GABRB3: variants seen among roughly 807,000 people sequenced by gnomAD.
GABRB3 encodes the protein gamma-aminobutyric acid type A receptor subunit beta3.
A neutral mutation model predicts 52.1 loss-of-function variants in GABRB3; 14 were observed. The ratio of observed to expected loss-of-function variants is 0.27; its 90% CI spans 0.18 to 0.42. GABRB3 has a LOEUF of 0.42. GABRB3 is among the 10% of genes least tolerant of loss of function. GABRB3 has a pLI of 1.00. For synonymous variants in GABRB3, 260 were observed against 232.3 expected (o/e 1.12, Z -1.08); for missense variants, 307 against 609.1 (o/e 0.50, Z 5.22).
In GABRB3 at chr15:26,742,446, T is replaced by C. The variant is rs150026665; in HGVS notation, c.240+29956A>G. On this transcript the variant is annotated intron_variant, in intron 3 of 8. Coordinates refer to ENST00000311550, the MANE Select transcript of GABRB3 (RefSeq NM_000814.6). ...TTATATTCAAGATGTGGTCCAAATATTCCTTTATGTTTTCTCCCAAGTCCT... is the reference window on the plus strand; with the variant it reads ...TTATATTCAAGATGTGGTCCAAATACTCCTTTATGTTTTCTCCCAAGTCCT... Among the ~76,000 whole-genome samples, 816 of 151,798 alleles carry C rather than the reference T, an allele frequency of 5.4e-3. 7 individuals carry two copies. Among genetic ancestry groups the C allele is most frequent in the African/African-American group, 0.018 (750 of 41,486 alleles).
intron 3 of GABRB3, among the ~76,000 whole-genome samples, chr15:26,679,815 A>T (rs1053995421): frequency 3.3e-5 from 5 of 152,208 alleles, no homozygotes; most frequent in Non-Finnish European, 7.3e-5. Flanking sequence ...GATCCACAGC[A>T]TAAATCTAAC....
intron 6 of GABRB3, among the ~76,000 whole-genome samples, chr15:26,571,923 C>G (rs906923056): frequency 2.6e-5 from 4 of 151,858 alleles, no homozygotes; most frequent in Non-Finnish European, 5.9e-5. Flanking sequence ...TGGCGGGTGC[C>G]TATAATCCCA....
At chr15:26,676,426 AACCCGGTAGG>A (rs1478854238) in intron 3 of GABRB3, among the ~76,000 whole-genome samples, 5 of 152,154 alleles carry the variant, frequency 3.3e-5, no homozygotes, top group Non-Finnish European at 7.3e-5. Flanking sequence ...CACGAAACAG[AACCCGGTAGG>A]ACTAAAACTA....
intron 8 of GABRB3, chr15:26,553,414 T>G (rs564105740): frequency 6.6e-6 from 1 of 152,230 alleles, no homozygotes; most frequent in African/African-American, 2.4e-5. Context: ...CCTCCCAAAG[T>G]GCTAGGATCA....
At chr15:26,556,256 GCA>G (rs1273989706) in intron 8 of GABRB3, among the ~76,000 whole-genome samples, 2 of 152,148 alleles carry the variant, frequency 1.3e-5, no homozygotes, top group Non-Finnish European at 2.9e-5. Flanking sequence ...TCAGAATATA[GCA>G]CAGAGAGATT....
At chr15:26,767,334 C>T (rs889455154) in intron 3 of GABRB3, 3 of 152,208 alleles carry the variant, frequency 2.0e-5, no homozygotes, top group African/African-American at 7.2e-5. Context: ...CTTTAAACTG[C>T]TAATAGCAAT....
chr15:26,698,190 T>C (rs546927092), intron 3 of GABRB3, among the ~76,000 whole-genome samples: 90 of 152,280 alleles, frequency 5.9e-4, no homozygotes, highest in African/African-American at 2.1e-3. Flanking sequence ...AGCGGACAGA[T>C]GGATTGACAT....
chr15:26,620,556 A>G (rs561129983), intron 4 of GABRB3, among the ~76,000 whole-genome samples: 1 of 152,264 alleles, frequency 6.6e-6, no homozygotes, highest in African/African-American at 2.4e-5. Context: ...GGAGAGCAAG[A>G]AACAGACACA....
At chr15:26,720,874 A>T (rs954898086) in intron 3 of GABRB3, among the ~76,000 whole-genome samples, 5 of 152,134 alleles carry the variant, frequency 3.3e-5, no homozygotes, top group African/African-American at 1.2e-4. Context: ...GGATATTCCC[A>T]AGATTCTGTT....
At chr15:26,636,442 C>T (rs933601479) in intron 3 of GABRB3, among the ~76,000 whole-genome samples, 2 of 152,120 alleles carry the variant, frequency 1.3e-5, no homozygotes, top group African/African-American at 2.4e-5. Context: ...CTTTGCTACT[C>T]CCTCCAATTC....
chr15:26,685,949 T>C (rs1219287290), intron 3 of GABRB3, among the ~76,000 whole-genome samples: 1 of 152,064 alleles, frequency 6.6e-6, no homozygotes, highest in Non-Finnish European at 1.5e-5. Flanking sequence ...GGATAAAAGG[T>C]GTTCACCACC....
Position 26,772,994 on chromosome 15 carries a change from G to A in GABRB3, c.-32C>T. The A allele has an allele frequency of 7.5e-7, 1 of 1,341,020 alleles. No homozygotes were observed. The highest frequency in any genetic ancestry group is 1.7e-5 in the South Asian group (1 of 59,274). The allele number at this position is 1,341,020 out of a possible 1,614,324, so 83.1% of individuals were successfully genotyped here. ...GCCGCGCCCCGGCACGGGGGAGGGG[G>A]CGCCCCGCCGCCGTCGCGACCCGCA... On this transcript the variant is annotated 5_prime_UTR_variant, in exon 1 of 9. Transcript: ENST00000311550.
At position 26,629,817 on chromosome 15, in the gene GABRB3, AAATT is replaced by A. The variant is rs200947031; in HGVS notation, c.241-8287_241-8284del. Among the ~76,000 whole-genome samples, 49 of 152,172 alleles carry A rather than the reference AAATT, an allele frequency of 3.2e-4. No homozygotes were observed. The East Asian group carries it at 6.8e-3, about 21-fold the overall frequency. On this transcript the variant is annotated intron_variant, in intron 3 of 8. Coordinates refer to ENST00000311550, the MANE Select transcript of GABRB3 (RefSeq NM_000814.6). ...AGCATTTATAAAATATCCCTCCTGT[AAATT>A]AATTAACTGACACACTGAATGTGTG... is the stretch of plus-strand genomic sequence containing the variant.
chr15:26,646,688 A>G (rs1887017903), intron 3 of GABRB3, among the ~76,000 whole-genome samples: 1 of 152,168 alleles, frequency 6.6e-6, no homozygotes. Flanking sequence ...TCCAATTTCT[A>G]CACATTCTCA....
At chr15:26,613,213 G>A (rs1892135779) in intron 4 of GABRB3, 1 of 152,416 alleles carries the variant, frequency 6.6e-6, no homozygotes, top group African/African-American at 2.4e-5. Context: ...GAGTTCGAGA[G>A]CAGCCTGGTC....
intron 3 of GABRB3, among the ~76,000 whole-genome samples, chr15:26,635,241 C>A (rs376783590): frequency 6.6e-6 from 1 of 151,614 alleles, no homozygotes; most frequent in Non-Finnish European, 1.5e-5. Context: ...TTCAAAGGTA[C>A]TTGAACTGGG....
intron 3 of GABRB3, among the ~76,000 whole-genome samples, chr15:26,682,439 A>G (rs1399450755): frequency 6.6e-6 from 1 of 152,210 alleles, no homozygotes; most frequent in Non-Finnish European, 1.5e-5. Flanking sequence ...GCCCGTGAAA[A>G]GACCAGTACT....
intron 3 of GABRB3, among the ~76,000 whole-genome samples, chr15:26,661,372 A>T (rs1219131834): frequency 6.6e-6 from 1 of 152,090 alleles, no homozygotes; most frequent in East Asian, 1.9e-4. Context: ...CCTCCCCTTA[A>T]TTATTTGCAA....
At chr15:26,557,855 T>C (rs1167344967) in intron 8 of GABRB3, 1 of 152,236 alleles carries the variant, frequency 6.6e-6, no homozygotes, top group Non-Finnish European at 1.5e-5. Context: ...AATATACTTT[T>C]TCTACATCCT....
Sources: gnomAD v4.1 joint callset for allele counts (sites outside exome capture counted in the v4.1 genomes callset) on GRCh38, gnomAD v4.1.1 for gene constraint, MANE v1.5 for transcripts, NCBI Gene and HGNC (gene_info 2026-07-23, HGNC 2026-07-21) for gene names.